SV2B: variants seen among roughly 807,000 people sequenced by gnomAD.
SV2B encodes the protein solute carrier family 22 member B2.
In SV2B, 41 loss-of-function variants were observed where a neutral mutation model predicts 73.9. The ratio of observed to expected loss-of-function variants is 0.56; its 90% CI spans 0.43 to 0.72. The LOEUF (loss-of-function observed/expected upper bound fraction) is 0.72. SV2B is among the 30% of genes least tolerant of loss of function. SV2B has a pLI of 0.00. For missense variants in SV2B, 764 were observed against 857.8 expected (o/e 0.89, Z 1.37); for synonymous variants, 314 against 314.2 (o/e 1.00, Z 0.01).
chr15:91,259,967 G>A (rs2047849815), intron 5 of SV2B, among the ~76,000 whole-genome samples: 1 of 152,166 alleles, frequency 6.6e-6, no homozygotes, highest in South Asian at 2.1e-4. Flanking sequence ...AATTCAACCT[G>A]TAACATGTTG....
intron 1 of SV2B, among the ~76,000 whole-genome samples, chr15:91,186,836 T>C (rs981335836): frequency 2.6e-5 from 4 of 152,136 alleles, no homozygotes; most frequent in African/African-American, 9.7e-5. Context: ...GTATCAAAAC[T>C]GCGCTTGTAC....
chr15:91,218,790 C>T (rs1168589821), intron 1 of SV2B, among the ~76,000 whole-genome samples: 2 of 152,166 alleles, frequency 1.3e-5, no homozygotes, highest in African/African-American at 2.4e-5. Flanking sequence ...AGTGAAGTCA[C>T]AGATGCTACC....
At chr15:91,193,102 T>A (rs1006651533) in intron 1 of SV2B, among the ~76,000 whole-genome samples, 2 of 152,254 alleles carry the variant, frequency 1.3e-5, no homozygotes, top group African/African-American at 4.8e-5. Context: ...TGGGCATCTA[T>A]CTTTGTTTGC....
At chr15:91,125,547 G>A (rs2042452913) in intron 1 of SV2B, among the ~76,000 whole-genome samples, 1 of 151,932 alleles carries the variant, frequency 6.6e-6, no homozygotes, top group Non-Finnish European at 1.5e-5. Flanking sequence ...TGAGGCAGGA[G>A]GATCACTTGA....
rs961910414 is a variant in SV2B, at chr15:91,241,564, C to A, written c.452-10255C>A. Reference sequence around the variant, plus strand: ...AGCATCTCTTCCTCATCTTCACTCTCAGATTAATAAACTCAGTTCCTCCTG... The same window carrying A: ...AGCATCTCTTCCTCATCTTCACTCTAAGATTAATAAACTCAGTTCCTCCTG... On this transcript the variant is annotated intron_variant, in intron 2 of 12. Transcript: ENST00000394232. This position sits in a 1 kb window ranked among gnomAD's most constrained non-coding sequence, Gnocchi z 4.8. 2.0e-5 allele frequency among the ~76,000 whole-genome samples: 3 copies of A among 152,180 alleles called. No homozygotes were observed. Among genetic ancestry groups the A allele is most frequent in the Non-Finnish European group, 4.4e-5 (3 of 68,036 alleles).
At chr15:91,158,474 TC>T (rs1555473760) in intron 1 of SV2B, among the ~76,000 whole-genome samples, 2 of 151,702 alleles carry the variant, frequency 1.3e-5, no homozygotes, top group Non-Finnish European at 2.9e-5. Flanking sequence ...AGGGGAACAA[TC>T]CAGGAAGCGG....
chr15:91,266,679 C>G lies in SV2B; in HGVS notation c.1106C>G (p.Thr369Ser). 6.2e-7 allele frequency: 1 copy of G among 1,613,450 alleles called. No homozygotes were observed. Among genetic ancestry groups the G allele is most frequent in the Non-Finnish European group, 8.5e-7 (1 of 1,179,594 alleles). The change falls in exon 7 of 13, where the codon ACC becomes AGC. Residue 369 changes from threonine (T) to serine (S), a missense_variant. Thr to Ser is a moderately conservative substitution (Grantham distance 58). Coordinates refer to ENST00000394232, the MANE Select transcript of SV2B (RefSeq NM_001323032.3). ...CAGCGCTGGCTGGTCAGATTCAAGA[C>G]CATTTTCAAGCAGGTATGATTGGGA... The part of the protein sequence containing the change: ...WYQRWLVRFK[T>S]IFKQVWDNAL...
intron 1 of SV2B, among the ~76,000 whole-genome samples, chr15:91,147,563 C>A (rs2141207027): frequency 6.6e-6 from 1 of 152,292 alleles, no homozygotes; most frequent in South Asian, 2.1e-4. Context: ...ATCAACTTCC[C>A]TTTTCTGCTC....
intron 2 of SV2B, among the ~76,000 whole-genome samples, chr15:91,244,948 A>G (rs886985943): frequency 6.6e-6 from 1 of 152,244 alleles, no homozygotes; most frequent in Non-Finnish European, 1.5e-5. Context: ...TCCTCTCAGG[A>G]TAATGAATGC....
chr15:91,114,571 A>G (rs989676798), intron 1 of SV2B, among the ~76,000 whole-genome samples: 1 of 152,168 alleles, frequency 6.6e-6, no homozygotes, highest in Non-Finnish European at 1.5e-5. Context: ...TATTGACTCA[A>G]CACACAAGGT....
chr15:91,278,174 C>T (rs761153339), intron 9 of SV2B, among the ~76,000 whole-genome samples: 5 of 152,196 alleles, frequency 3.3e-5, no homozygotes, highest in African/African-American at 4.8e-5. Flanking sequence ...CTTGGGGCTA[C>T]ACACAGTAAA....
In SV2B at chr15:91,229,328, A is replaced by G. The variant is rs2046484595; in HGVS notation, c.451+2614A>G. Among the ~76,000 whole-genome samples the G allele has an allele frequency of 6.6e-6, 1 of 152,190 alleles. No individual in the cohort carries two copies. Among genetic ancestry groups the G allele is most frequent in the Admixed American group, 6.5e-5 (1 of 15,278 alleles). On this transcript the variant is annotated intron_variant, in intron 2 of 12. Transcript: ENST00000394232. The surrounding 1 kb of genome is among the most constrained non-coding windows in gnomAD (Gnocchi z 4.3). Reference sequence around the variant, plus strand: ...AATTCTCGGTGTTTCCATCTGTAGAATAAGAGCAGTAATGCAGTGCTGTGA... The same window carrying G: ...AATTCTCGGTGTTTCCATCTGTAGAGTAAGAGCAGTAATGCAGTGCTGTGA...
chr15:91,203,402 C>T (rs1320118311), intron 1 of SV2B, among the ~76,000 whole-genome samples: 1 of 152,228 alleles, frequency 6.6e-6, no homozygotes, highest in Non-Finnish European at 1.5e-5. Flanking sequence ...TCCCTCTCCA[C>T]CTGGAATCCT....
At chr15:91,163,652 T>C (rs1348863971) in intron 1 of SV2B, among the ~76,000 whole-genome samples, 1 of 152,236 alleles carries the variant, frequency 6.6e-6, no homozygotes. Context: ...TCTTTGTAGA[T>C]TCTGGACATT....
intron 4 of SV2B, among the ~76,000 whole-genome samples, chr15:91,256,622 T>C (rs2047700411): frequency 6.6e-6 from 1 of 152,208 alleles, no homozygotes; most frequent in African/African-American, 2.4e-5. Flanking sequence ...GGCTTTTTAA[T>C]TAAAATTAAA....
intron 1 of SV2B, among the ~76,000 whole-genome samples, chr15:91,166,794 A>T (rs916731140): frequency 6.6e-6 from 1 of 150,644 alleles, no homozygotes; most frequent in Non-Finnish European, 1.5e-5. Context: ...GTTTTTTTGT[A>T]TAGTTTTTCT....
chr15:91,111,041 G>C (rs1457098548), intron 1 of SV2B, among the ~76,000 whole-genome samples: 1 of 152,106 alleles, frequency 6.6e-6, no homozygotes, highest in African/African-American at 2.4e-5. Flanking sequence ...TGATGGATAA[G>C]GTCTTTTTTT....
chr15:91,247,583 G>A lies in SV2B; in HGVS notation c.452-4236G>A, dbSNP rs372134114. On this transcript the variant is annotated intron_variant, in intron 2 of 12. Transcript: ENST00000394232. ...AGGGGTTCCATAAAGCTGCAACTCA[G>A]CTCTCTTAAGAGAGGCCCTGGCTGG... 4.7e-4 allele frequency among the ~76,000 whole-genome samples: 71 copies of A among 152,302 alleles called. 1 individual carries two copies. The East Asian group carries it at 9.6e-3, about 21-fold the overall frequency.
intron 1 of SV2B, among the ~76,000 whole-genome samples, chr15:91,152,197 C>T (rs979234096): frequency 5.9e-5 from 9 of 151,396 alleles, no homozygotes; most frequent in South Asian, 2.1e-4. Flanking sequence ...TTAAAAAAAT[C>T]GTTGAGGCTC....
Sources: allele counts gnomAD v4.1 joint callset (sites outside exome capture counted in the v4.1 genomes callset), GRCh38; gene constraint gnomAD v4.1.1; non-coding constraint Gnocchi (gnomAD v3.1); transcripts MANE v1.5; gene names NCBI Gene and HGNC (gene_info 2026-07-23, HGNC 2026-07-21).